DACH2: variants seen among roughly 807,000 people sequenced by gnomAD.
DACH2 encodes dachshund homolog 2.
A neutral mutation model predicts 35.8 loss-of-function variants in DACH2; 17 were observed. That is an observed-to-expected ratio of 0.48 (90% CI 0.33 to 0.71). DACH2 has a LOEUF of 0.71. DACH2 is among the 30% of genes least tolerant of loss of function. The probability of loss-of-function intolerance (pLI) is 0.02; values close to 1 mark genes in which losing one functional copy is unlikely to be tolerated. For missense variants in DACH2, 469 were observed against 472.7 expected, an observed-to-expected ratio of 0.99 and a Z score of 0.07; for synonymous variants, 195 against 177.3, an observed-to-expected ratio of 1.10 and a Z score of -0.79.
intron 1 of DACH2, among the ~76,000 whole-genome samples, chrX:86,264,808 T>C (rs1186707746): frequency 1.8e-5 from 2 of 111,685 alleles, no homozygotes; most frequent in Admixed American, 9.6e-5. Flanking sequence ...GGCTCCTTTT[T>C]CACAGCTCAT....
chrX:86,198,769 A>G (rs1056874635), intron 1 of DACH2, among the ~76,000 whole-genome samples: 1 of 111,074 alleles, frequency 9.0e-6, no homozygotes, highest in African/African-American at 3.3e-5. Context: ...TGAGGCAGTA[A>G]TAAATAACCT....
chrX:86,349,077 C>T (rs1302410593), intron 1 of DACH2, among the ~76,000 whole-genome samples: 3 of 112,460 alleles, frequency 2.7e-5, no homozygotes, highest in Non-Finnish European at 5.6e-5. Flanking sequence ...CTTTCTGTAT[C>T]CCAGGGTTCT....
intron 1 of DACH2, among the ~76,000 whole-genome samples, chrX:86,183,655 G>C (rs1398009971): frequency 9.0e-6 from 1 of 111,441 alleles, no homozygotes; most frequent in African/African-American, 3.3e-5. Flanking sequence ...TTGTGTCTCT[G>C]CCGGGTTTTG....
intron 1 of DACH2, among the ~76,000 whole-genome samples, chrX:86,343,380 A>AT (rs11387418): frequency 0.22 from 24,369 of 110,605 alleles, 3,469 homozygotes; most frequent in African/African-American, 0.52. Flanking sequence ...TGACAAGGAA[A>AT]TGGAGACTTA....
At position 86,588,079 on chromosome X, in the gene DACH2, C is replaced by T. The variant is rs943038325; in HGVS notation, c.641-62957C>T. On this transcript the variant is annotated intron_variant, in intron 3 of 11. Transcript: ENST00000373125. ...AAGGTAGGGATCTAGTTTCATTCTT[C>T]TGAGTATGGATAGACAGTTATCCCA... Among the ~76,000 whole-genome samples the T allele has an allele frequency of 1.1e-4, 12 of 111,379 alleles. No individual in the cohort carries two copies. In the South Asian group the frequency reaches 1.1e-3, roughly 11 times the overall value.
intron 3 of DACH2, among the ~76,000 whole-genome samples, chrX:86,566,146 A>G (rs767887034): frequency 3.6e-5 from 4 of 112,109 alleles, no homozygotes; most frequent in Admixed American, 1.9e-4. Flanking sequence ...TAGATAAGTA[A>G]TATGTAGATA....
chrX:86,184,646 A>G (rs2031627875), intron 1 of DACH2, among the ~76,000 whole-genome samples: 1 of 112,056 alleles, frequency 8.9e-6, no homozygotes, highest in African/African-American at 3.2e-5. Context: ...CTTACTTTAT[A>G]ATGGTAAAAT....
chrX:86,318,225 G>T (rs2034950400), intron 1 of DACH2, among the ~76,000 whole-genome samples: 1 of 111,266 alleles, frequency 9.0e-6, no homozygotes, highest in Admixed American at 9.6e-5. Flanking sequence ...TTCCTTAAGG[G>T]TCAGCAATGT....
intron 1 of DACH2, among the ~76,000 whole-genome samples, chrX:86,245,184 G>GA (rs957731831): frequency 2.7e-5 from 3 of 111,019 alleles, no homozygotes; most frequent in East Asian, 5.7e-4. Context: ...AAGAAGCATT[G>GA]AAAAAAAACT....
chrX:86,806,094 T>G (rs1047885225), intron 7 of DACH2, among the ~76,000 whole-genome samples: 1 of 111,261 alleles, frequency 9.0e-6, no homozygotes, highest in African/African-American at 3.3e-5. Flanking sequence ...ATTTTCTGCA[T>G]TAGTCTGTTC....
chrX:86,798,450 A>C (rs1181335034), intron 7 of DACH2: 1 of 113,085 alleles, frequency 8.8e-6, no homozygotes, highest in Non-Finnish European at 1.9e-5. Context: ...TGTACATAAA[A>C]CATTGTACTT....
intron 3 of DACH2, 44 bp downstream of exon 3, chrX:86,514,435 C>A: frequency 1.8e-6 from 2 of 1,094,445 alleles, no homozygotes; most frequent in Non-Finnish European, 1.2e-6. Context: ...CTTCGTACTG[C>A]CCAGCATTTG....
chrX:86,175,166 G>A (rs778809392), intron 1 of DACH2, among the ~76,000 whole-genome samples: 1 of 111,675 alleles, frequency 9.0e-6, no homozygotes, highest in Non-Finnish European at 1.9e-5. Context: ...AGAAGAGGAG[G>A]AATCAGCAAA....
chrX:86,703,098 T>G (rs2041162787), intron 5 of DACH2, among the ~76,000 whole-genome samples: 1 of 111,387 alleles, frequency 9.0e-6, no homozygotes, highest in African/African-American at 3.3e-5. Context: ...ATCCCAGTGA[T>G]ACAGTGATGG....
chrX:86,228,927 C>G (rs1458581814), intron 1 of DACH2, among the ~76,000 whole-genome samples: 3 of 111,788 alleles, frequency 2.7e-5, no homozygotes, highest in East Asian at 2.8e-4. Flanking sequence ...TCTGTACACT[C>G]TGTTGACTGT....
intron 6 of DACH2, among the ~76,000 whole-genome samples, chrX:86,727,051 T>G (rs2041477876): frequency 8.9e-6 from 1 of 112,640 alleles, no homozygotes; most frequent in African/African-American, 3.2e-5. Flanking sequence ...ACTCATTATT[T>G]TACAAAATAT....
chrX:86,728,767 G>A (rs996123004), intron 6 of DACH2, among the ~76,000 whole-genome samples: 3 of 112,650 alleles, frequency 2.7e-5, no homozygotes, highest in Non-Finnish European at 5.6e-5. Flanking sequence ...CATATCCCTC[G>A]GCAGCTTCTG....
At chrX:86,203,218 A>G (rs1255804144) in intron 1 of DACH2, among the ~76,000 whole-genome samples, 1 of 111,559 alleles carries the variant, frequency 9.0e-6, no homozygotes, top group Non-Finnish European at 1.9e-5. Flanking sequence ...TTATATTTTC[A>G]GTATACTTAG....
At chrX:86,337,735 G>T (rs1037552461) in intron 1 of DACH2, among the ~76,000 whole-genome samples, 22 of 111,703 alleles carry the variant, frequency 2.0e-4, no homozygotes, top group Admixed American at 1.0e-3. Context: ...ATGTAAATGG[G>T]CTAAATACCC....
Sources: allele counts gnomAD v4.1 joint callset (sites outside exome capture counted in the v4.1 genomes callset), GRCh38; gene constraint gnomAD v4.1.1; transcripts MANE v1.5; gene names NCBI Gene and HGNC (gene_info 2026-07-23, HGNC 2026-07-21).